Variants in ARID1A observed in about 807,000 individuals in gnomAD.
ARID1A encodes AT-rich interaction domain 1A, also known as AT-rich interactive domain-containing protein 1A.
In ARID1A, 20 loss-of-function variants were observed where a neutral mutation model predicts 212.6. That is an observed-to-expected ratio of 0.09 (90% CI 0.07 to 0.14). ARID1A has a LOEUF of 0.14. ARID1A is among the 10% of genes least tolerant of loss of function. The probability of loss-of-function intolerance (pLI) is 1.00; values close to 1 mark genes in which losing one functional copy is unlikely to be tolerated. For missense variants in ARID1A, 2,587 were observed against 3,059.0 expected (o/e 0.85, Z 3.64); for synonymous variants, 1,376 against 1,222.1 (o/e 1.13, Z -2.63).
chr1:26,736,202 T>C (rs1181269869), intron 4 of ARID1A, among the ~76,000 whole-genome samples: 1 of 150,576 alleles, frequency 6.6e-6, no homozygotes, highest in African/African-American at 2.5e-5. Flanking sequence ...TGGGTACCTG[T>C]AGTCCCAGCT....
chr1:26,706,979 A>G (rs2080398206), intron 1 of ARID1A, among the ~76,000 whole-genome samples: 1 of 151,746 alleles, frequency 6.6e-6, no homozygotes, highest in Admixed American at 6.6e-5. Flanking sequence ...TTGGGGAACA[A>G]TTCTGTAGGT....
At chr1:26,729,488 G>A (rs777859696) in intron 1 of ARID1A, 163 bp from the exon 2 acceptor site, 55 of 724,884 alleles carry the variant, frequency 7.6e-5, no homozygotes, top group South Asian at 3.2e-4. Flanking sequence ...GTTCTGAGGC[G>A]GGTCAGTTGA....
At chr1:26,761,625 T>C (rs1285540175) in intron 6 of ARID1A, 152 bp downstream of exon 6, 6 of 742,150 alleles carry the variant, frequency 8.1e-6, no homozygotes, top group African/African-American at 1.8e-5. Context: ...ACGTAATAAT[T>C]GTACTCATTT....
At chr1:26,721,585 A>AAT (rs1418005731) in intron 1 of ARID1A, among the ~76,000 whole-genome samples, 3 of 152,174 alleles carry the variant, frequency 2.0e-5, no homozygotes, top group African/African-American at 7.2e-5. Flanking sequence ...ATTTGTTTGA[A>AAT]ATAGGGAGAA....
chr1:26,781,460 A>G lies in ARID1A; in HGVS notation c.*704A>G, dbSNP rs1367469673. On this transcript the variant is annotated 3_prime_UTR_variant, in exon 20 of 20. Coordinates refer to ENST00000324856, the MANE Select transcript of ARID1A (RefSeq NM_006015.6). ...ATGTTTTTAGTTAAACGTTGAGGAG[A>G]AAAAAAAAAAAGGCTTTTCCCCCAA... 3 of 155,806 alleles carry G rather than the reference A, an allele frequency of 1.9e-5. No individual in the cohort carries two copies. Among genetic ancestry groups the G allele is most frequent in the African/African-American group, 5.3e-5 (2 of 38,030 alleles). 9.7% of individuals were successfully genotyped at this position (155,806 alleles called of 1,614,324 possible). A position where few individuals can be genotyped will look rare whatever the true frequency, so the allele number is the denominator to read the frequency against.
chr1:26,780,564 C>T lies in ARID1A; in HGVS notation c.6666C>T (p.Pro2222=). The T allele has an allele frequency of 6.2e-7, 1 of 1,614,128 alleles. No homozygotes were observed. The highest frequency in any genetic ancestry group is 1.1e-5 in the South Asian group (1 of 91,084). The change falls in exon 20 of 20, where the codon CCC becomes CCT. Residue 2222 remains proline, a synonymous_variant. Coordinates refer to ENST00000324856, the MANE Select transcript of ARID1A (RefSeq NM_006015.6). This position sits in a 1 kb window ranked among gnomAD's most constrained non-coding sequence, Gnocchi z 7.2. The stretch of plus-strand genomic sequence containing the variant: ...GCCTCCTCCACATGCAGAACCCACC[C>T]TTTGAGCCAACTAGTGTGGACATGA... The part of the protein sequence containing the change: ...QASLLHMQNP[P]FEPTSVDMMR...
At chr1:26,769,773 A>G (rs1236748476) in intron 11 of ARID1A, 1 of 152,306 alleles carries the variant, frequency 6.6e-6, no homozygotes, top group Non-Finnish European at 1.5e-5. Flanking sequence ...AATAAGCATA[A>G]GAATACATGA....
At position 26,767,816 on chromosome 1, in the gene ARID1A, T is replaced by C. The variant is rs762241860; in HGVS notation, c.3015T>C (p.Asn1005=). ...SKKSSSSTTT[N]EKITKLYELG... is the part of the protein sequence containing the mutation. The stretch of plus-strand genomic sequence containing the variant: ...AATCCAGTTCTTCTACTACAACCAA[T>C]GAGAAGATCACCAAGTTGTATGAGC... Residue 1005 remains asparagine, a synonymous_variant, in exon 11 of 20, where the codon AAT becomes AAC. Transcript: ENST00000324856. 21 of 1,612,770 alleles carry C rather than the reference T, an allele frequency of 1.3e-5. No individual in the cohort carries two copies. In the Middle Eastern group the frequency reaches 1.2e-3, roughly 89 times the overall value.
chr1:26,757,013 A>G (rs1340617991), intron 4 of ARID1A, among the ~76,000 whole-genome samples: 1 of 152,128 alleles, frequency 6.6e-6, no homozygotes, highest in Non-Finnish European at 1.5e-5. Flanking sequence ...AATATCTGAA[A>G]TGTTTTTATC....
At chr1:26,729,391 C>T in intron 1 of ARID1A, 1 of 480,214 alleles carries the variant, frequency 2.1e-6, no homozygotes. Flanking sequence ...GGATCTCAAG[C>T]AGTACCACAG....
chr1:26,773,121 C>T (rs1286586498), intron 14 of ARID1A, 134 bp downstream of exon 14: 2 of 1,292,848 alleles, frequency 1.5e-6, no homozygotes, highest in South Asian at 1.5e-5. Context: ...CCTAACTACC[C>T]CTCTTCATCC....
intron 4 of ARID1A, among the ~76,000 whole-genome samples, chr1:26,756,182 A>T (rs961522483): frequency 6.6e-6 from 1 of 151,600 alleles, no homozygotes; most frequent in African/African-American, 2.4e-5. Context: ...GAGGCTGAGG[A>T]GGGCAGATCG....
intron 4 of ARID1A, among the ~76,000 whole-genome samples, chr1:26,756,288 G>A (rs1346898247): frequency 6.6e-6 from 1 of 151,920 alleles, no homozygotes; most frequent in Non-Finnish European, 1.5e-5. Flanking sequence ...AGGCGTGGTG[G>A]CTCATGCCTG....
chr1:26,756,209 C>A (rs1570597872), intron 4 of ARID1A, among the ~76,000 whole-genome samples: 1 of 151,644 alleles, frequency 6.6e-6, no homozygotes, highest in Non-Finnish European at 1.5e-5. Context: ...CCCAGGAGTT[C>A]GAGACAAGCC....
intron 4 of ARID1A, among the ~76,000 whole-genome samples, chr1:26,758,531 A>C (rs2080961830): frequency 1.3e-5 from 2 of 151,878 alleles, no homozygotes; most frequent in African/African-American, 2.4e-5. Flanking sequence ...AGGTAAGAGG[A>C]TCACTTGAGT....
intron 4 of ARID1A, among the ~76,000 whole-genome samples, chr1:26,757,049 A>G (rs2080946423): frequency 6.6e-6 from 1 of 152,124 alleles, no homozygotes; most frequent in Non-Finnish European, 1.5e-5. Context: ...TTTTACTTGT[A>G]TAACAAGACA....
chr1:26,762,901 G>A (rs143222053), intron 7 of ARID1A, 72 bp from the exon 8 acceptor site: 16 of 1,363,788 alleles, frequency 1.2e-5, no homozygotes, highest in East Asian at 9.7e-5. Context: ...ATTGTTTGGT[G>A]TTCTAGAGTT....
At chr1:26,770,878 T>G in intron 11 of ARID1A, 1 of 503,920 alleles carries the variant, frequency 2.0e-6, no homozygotes, top group Non-Finnish European at 3.5e-6. Flanking sequence ...ATGTGAAATT[T>G]GCCCTGTTGT....
Position 26,780,512 on chromosome 1 carries a change from C to T in ARID1A, c.6614C>T (p.Ala2205Val). 2 of 1,614,216 alleles carry T rather than the reference C, an allele frequency of 1.2e-6. No homozygotes were observed. Among genetic ancestry groups the T allele is most frequent in the Non-Finnish European group, 1.7e-6 (2 of 1,180,040 alleles). The change falls in exon 20 of 20, where the codon GCC becomes GTC. Residue 2205 changes from alanine to valine, a missense_variant. Physicochemically the swap from Ala to Val is moderately conservative, Grantham distance 64 (BLOSUM62 0). Coordinates refer to ENST00000324856, the MANE Select transcript of ARID1A (RefSeq NM_006015.6). This position sits in a 1 kb window ranked among gnomAD's most constrained non-coding sequence, Gnocchi z 7.2. The part of the protein sequence containing the change: ...LLGFLEDSLA[A>V]TQFQQSQASL... ...GGCTTCCTAGAGGACAGCCTTGCCG[C>T]CACACAGTTCCAGCAGAGCCAGGCC...
Sources: gnomAD v4.1 joint callset for allele counts (sites outside exome capture counted in the v4.1 genomes callset) on GRCh38, gnomAD v4.1.1 for gene constraint, Gnocchi (gnomAD v3.1) non-coding constraint, MANE v1.5 for transcripts, NCBI Gene and HGNC (gene_info 2026-07-23, HGNC 2026-07-21) for gene names.